Variants in GALNT13 observed in about 807,000 individuals in gnomAD.
GALNT13 encodes polypeptide N-acetylgalactosaminyltransferase 13.
GALNT13 carries 28 observed loss-of-function variants against 64.2 expected under a neutral mutation model. That is an observed-to-expected ratio of 0.44 (90% CI 0.32 to 0.60). GALNT13 has a LOEUF of 0.60. Among genes scored for constraint, GALNT13 ranks in the 20% least tolerant of loss-of-function variants. The pLI, the probability that GALNT13 is intolerant of heterozygous loss-of-function variation, is 0.05. For missense variants in GALNT13, 577 were observed against 669.8 expected, an observed-to-expected ratio of 0.86 and a Z score of 1.53; for synonymous variants, 214 against 224.6, an observed-to-expected ratio of 0.95 and a Z score of 0.42.
At chr2:154,442,750 A>G (rs1022056418) in intron 12 of GALNT13, among the ~76,000 whole-genome samples, 2 of 152,070 alleles carry the variant, frequency 1.3e-5, no homozygotes, top group Non-Finnish European at 2.9e-5. Context: ...TTTCTTTTTG[A>G]ATAACTAGGC....
the GALNT13 span, among the ~76,000 whole-genome samples, chr2:153,340,527 TGC>T: frequency 6.6e-6 from 1 of 152,018 alleles, no homozygotes; most frequent in Admixed American, 6.6e-5. Flanking sequence ...CATTGGTGTG[TGC>T]CTGTAATCCC....
At chr2:154,056,526 C>T (rs10203932) in intron 3 of GALNT13, among the ~76,000 whole-genome samples, 7,605 of 152,162 alleles carry the variant, frequency 0.05, 377 homozygotes, top group African/African-American at 0.13. Context: ...TTTATTCTTT[C>T]TTGGACTTGA....
intron 3 of GALNT13, among the ~76,000 whole-genome samples, chr2:154,078,458 G>A (rs1353696445): frequency 6.6e-6 from 1 of 151,514 alleles, no homozygotes; most frequent in Non-Finnish European, 1.5e-5. Flanking sequence ...GAGTAAACAT[G>A]TAAGCTACTA....
chr2:153,627,232 C>G, the GALNT13 span, among the ~76,000 whole-genome samples: 1 of 152,018 alleles, frequency 6.6e-6, no homozygotes, highest in Non-Finnish European at 1.5e-5. Context: ...CATTAAGCAT[C>G]AGAATTTCCA....
rs796615512 is a variant in GALNT13 at position 154,145,100 on chromosome 2, C to CTATCTATA, written c.311+4598_311+4599insCTATATAT. Among the ~76,000 whole-genome samples the CTATCTATA allele has an allele frequency of 2.4e-3, 291 of 119,516 alleles. 1 individual carries two copies. In the East Asian group the frequency reaches 0.03, roughly 12 times the overall value. The allele number at this position is 119,516 out of a possible 152,430, so 78.4% of individuals were successfully genotyped here. A position where few individuals can be genotyped will look rare whatever the true frequency, so the allele number is the denominator to read the frequency against. On this transcript the variant is annotated intron_variant, in intron 4 of 12. Transcript: ENST00000392825. The stretch of plus-strand genomic sequence containing the variant: ...TCTATCTATCTATCTATCTATCTAT[C>CTATCTATA]TATATATATATATATATATACACAC...
the GALNT13 span, among the ~76,000 whole-genome samples, chr2:153,391,303 A>T: frequency 6.6e-6 from 1 of 151,990 alleles, no homozygotes; most frequent in Non-Finnish European, 1.5e-5. Flanking sequence ...GGAGTTAAGG[A>T]GCAACTGCAG....
intron 9 of GALNT13, among the ~76,000 whole-genome samples, chr2:154,324,348 A>T (rs1051766193): frequency 6.6e-6 from 1 of 152,052 alleles, no homozygotes; most frequent in Non-Finnish European, 1.5e-5. Flanking sequence ...TGCAAAGGGT[A>T]TAATTTTGTT....
At chr2:153,933,463 T>C (rs907287579) in intron 2 of GALNT13, among the ~76,000 whole-genome samples, 1 of 152,196 alleles carries the variant, frequency 6.6e-6, no homozygotes, top group Non-Finnish European at 1.5e-5. Flanking sequence ...TATCATTGCA[T>C]GTGAGATGGT....
chr2:153,082,563 T>G, the GALNT13 span, among the ~76,000 whole-genome samples: 1 of 108,328 alleles, frequency 9.2e-6, no homozygotes. Context: ...TGATGGGCAT[T>G]TAGGCTGGTT....
intron 2 of GALNT13, among the ~76,000 whole-genome samples, chr2:153,932,207 TTAA>T (rs1403411851): frequency 6.6e-6 from 1 of 152,068 alleles, no homozygotes; most frequent in Non-Finnish European, 1.5e-5. Flanking sequence ...TAGTGGTTTA[TTAA>T]TCTTATTTAT....
chr2:153,231,703 G>A, the GALNT13 span, among the ~76,000 whole-genome samples: 3 of 152,006 alleles, frequency 2.0e-5, no homozygotes, highest in Admixed American at 1.3e-4. Flanking sequence ...AGGAACCACA[G>A]AGCTGGTTCA....
the GALNT13 span, among the ~76,000 whole-genome samples, chr2:153,348,222 C>T: frequency 1.3e-5 from 2 of 152,278 alleles, no homozygotes; most frequent in South Asian, 2.1e-4. Flanking sequence ...CAGACGTGCA[C>T]GTTTCCCAAT....
the GALNT13 span, among the ~76,000 whole-genome samples, chr2:153,307,436 G>A: frequency 6.6e-6 from 1 of 151,856 alleles, no homozygotes; most frequent in East Asian, 1.9e-4. Context: ...TTGCGCAATA[G>A]TAAATAAATG....
chr2:154,456,051 C>T (rs188335160), downstream of GALNT13, among the ~76,000 whole-genome samples: 47 of 151,678 alleles, frequency 3.1e-4, no homozygotes, highest in East Asian at 1.2e-3. Context: ...GGTGTGAAAA[C>T]GAAAGTAAGC....
At chr2:154,174,786 GTT>G (rs1413687939) in intron 4 of GALNT13, among the ~76,000 whole-genome samples, 1 of 151,966 alleles carries the variant, frequency 6.6e-6, no homozygotes, top group African/African-American at 2.4e-5. Context: ...TGGGATTTTT[GTT>G]TCTGCTATGT....
chr2:154,117,340 T>A (rs1681639628), intron 3 of GALNT13, among the ~76,000 whole-genome samples: 1 of 152,198 alleles, frequency 6.6e-6, no homozygotes, highest in Non-Finnish European at 1.5e-5. Context: ...TATTTAGTGG[T>A]GATTTGTGAG....
chr2:153,973,634 C>G (rs929025318), intron 3 of GALNT13, among the ~76,000 whole-genome samples: 1 of 151,550 alleles, frequency 6.6e-6, no homozygotes, highest in East Asian at 1.9e-4. Flanking sequence ...AGTTTGAGTT[C>G]AGAACCTATG....
the GALNT13 span, among the ~76,000 whole-genome samples, chr2:153,407,087 G>A: frequency 6.6e-6 from 1 of 152,000 alleles, no homozygotes; most frequent in African/African-American, 2.4e-5. Context: ...TCTATTATCA[G>A]TGTTATTTTC....
At chr2:154,005,519 C>T (rs923718406) in intron 3 of GALNT13, among the ~76,000 whole-genome samples, 2 of 152,080 alleles carry the variant, frequency 1.3e-5, no homozygotes, top group African/African-American at 4.8e-5. Flanking sequence ...TGGCCCCAAA[C>T]CATAATGTGG....
Sources: gnomAD v4.1 joint callset for allele counts (sites outside exome capture counted in the v4.1 genomes callset) on GRCh38, gnomAD v4.1.1 for gene constraint, MANE v1.5 for transcripts, NCBI Gene and HGNC (gene_info 2026-07-23, HGNC 2026-07-21) for gene names.